DNM3: variants seen among roughly 807,000 people sequenced by gnomAD.
The protein encoded by DNM3 is dynamin-3.
DNM3 carries 47 observed loss-of-function variants against 101.6 expected under a neutral mutation model. That is an observed-to-expected ratio of 0.46 (90% CI 0.37 to 0.59). The LOEUF is 0.59. Ranked by LOEUF, DNM3 falls within the 20% of genes least tolerant of loss-of-function variation. The probability of loss-of-function intolerance (pLI) is 0.00; values close to 1 mark genes in which losing one functional copy is unlikely to be tolerated. For missense variants in DNM3, 849 were observed against 1,085.7 expected, an observed-to-expected ratio of 0.78 and a Z score of 3.06; for synonymous variants, 385 against 387.9, an observed-to-expected ratio of 0.99 and a Z score of 0.09.
At position 172,411,289 on chromosome 1, in the gene DNM3, T is replaced by C. The variant is rs772606531; in HGVS notation, c.*3448T>C. Reference sequence around the variant, plus strand: ...TTTCTAACTCCAGATTGTAGTCATTTTGAGAGGTACAAAGCTCATAATTAC... The same window carrying C: ...TTTCTAACTCCAGATTGTAGTCATTCTGAGAGGTACAAAGCTCATAATTAC... On this transcript the variant is annotated 3_prime_UTR_variant, in exon 21 of 21. Coordinates refer to ENST00000627582, the MANE Select transcript of DNM3 (RefSeq NM_015569.5). 11 of 985,128 alleles carry C rather than the reference T, an allele frequency of 1.1e-5. No individual in the cohort carries two copies. The highest frequency in any genetic ancestry group is 1.2e-5 in the Non-Finnish European group (10 of 829,794). 61.0% of individuals were successfully genotyped at this position (985,128 alleles called of 1,614,324 possible).
At chr1:172,320,747 C>CT (rs1484911908) in intron 16 of DNM3, among the ~76,000 whole-genome samples, 2 of 152,106 alleles carry the variant, frequency 1.3e-5, no homozygotes, top group Non-Finnish European at 1.5e-5. Flanking sequence ...CTGATGCACT[C>CT]TGGGGGGATA....
intron 1 of DNM3, among the ~76,000 whole-genome samples, chr1:171,851,318 G>C (rs897365882): frequency 1.3e-5 from 2 of 152,188 alleles, no homozygotes; most frequent in East Asian, 3.8e-4. Flanking sequence ...GAATGAATCA[G>C]CTACTTGACT....
intron 4 of DNM3, among the ~76,000 whole-genome samples, chr1:171,992,689 G>A (rs1355773816): frequency 6.6e-6 from 1 of 152,002 alleles, no homozygotes; most frequent in Non-Finnish European, 1.5e-5. Context: ...GTCCCAAGAG[G>A]AGACTTTTGA....
chr1:171,997,127 G>A (rs141639488), intron 4 of DNM3, among the ~76,000 whole-genome samples: 120 of 151,996 alleles, frequency 7.9e-4, no homozygotes, highest in Middle Eastern at 3.4e-3. Context: ...ACCAGGCTTT[G>A]TTATTTTATT....
intron 13 of DNM3, among the ~76,000 whole-genome samples, chr1:172,110,702 A>G (rs1289492285): frequency 2.0e-5 from 3 of 152,232 alleles, no homozygotes; most frequent in African/African-American, 7.2e-5. Context: ...AGGTGTGACT[A>G]TTTCAGTTTT....
chr1:172,269,147 G>A (rs1166173244), intron 15 of DNM3, among the ~76,000 whole-genome samples: 1 of 152,192 alleles, frequency 6.6e-6, no homozygotes, highest in African/African-American at 2.4e-5. Flanking sequence ...AAGTGTTTGA[G>A]GCATTCATGT....
chr1:172,086,612 A>G (rs1174466485), intron 12 of DNM3, among the ~76,000 whole-genome samples: 5 of 152,142 alleles, frequency 3.3e-5, no homozygotes, highest in Admixed American at 2.0e-4. Context: ...GCTACCAGCT[A>G]CTGCATTGGA....
rs927107411 is a variant in DNM3 at position 172,299,740 on chromosome 1, T to C, written c.1770-8988T>C. On this transcript the variant is annotated intron_variant, in intron 15 of 20. Coordinates refer to ENST00000627582, the MANE Select transcript of DNM3 (RefSeq NM_015569.5). ...TGTTCTTTTTATGGGCTGCATAGTATTCCATAGTGTATATGTGCCACATTT... is the reference window on the plus strand; with the variant it reads ...TGTTCTTTTTATGGGCTGCATAGTACTCCATAGTGTATATGTGCCACATTT... 3.9e-5 allele frequency among the ~76,000 whole-genome samples: 6 copies of C among 152,340 alleles called. 1 individual carries two copies. Among genetic ancestry groups the C allele is most frequent in the Non-Finnish European group, 7.3e-5 (5 of 68,028 alleles).
At chr1:172,203,072 A>C (rs1034916476) in intron 14 of DNM3, among the ~76,000 whole-genome samples, 1 of 152,210 alleles carries the variant, frequency 6.6e-6, no homozygotes, top group African/African-American at 2.4e-5. Flanking sequence ...ATCATTAAAA[A>C]TTACAAAACA....
intron 2 of DNM3, among the ~76,000 whole-genome samples, chr1:171,945,971 T>C (rs1345139708): frequency 1.3e-5 from 2 of 152,116 alleles, no homozygotes; most frequent in African/African-American, 2.4e-5. Context: ...CATGGCTGGA[T>C]CATAGTGAGA....
downstream of DNM3, among the ~76,000 whole-genome samples, chr1:172,417,184 A>G (rs1354304869): frequency 6.6e-6 from 1 of 152,210 alleles, no homozygotes; most frequent in Non-Finnish European, 1.5e-5. Flanking sequence ...CTGGATAAGA[A>G]GTCAAAGAGA....
chr1:172,292,748 A>G (rs868185672), intron 15 of DNM3, among the ~76,000 whole-genome samples: 30 of 152,338 alleles, frequency 2.0e-4, no homozygotes, highest in African/African-American at 6.7e-4. Flanking sequence ...TTATCAAGTC[A>G]TGGTTTCATA....
chr1:171,859,508 A>G (rs1029662264), intron 1 of DNM3, among the ~76,000 whole-genome samples: 1 of 152,130 alleles, frequency 6.6e-6, no homozygotes, highest in African/African-American at 2.4e-5. Context: ...TTAATCTACA[A>G]ATATAATGGA....
intron 1 of DNM3, among the ~76,000 whole-genome samples, chr1:171,843,872 C>T (rs2031657801): frequency 1.3e-5 from 2 of 152,076 alleles, no homozygotes; most frequent in South Asian, 2.1e-4. Flanking sequence ...AATCAGAGCA[C>T]GTACCAGAAT....
At chr1:172,061,695 T>G in intron 10 of DNM3, among the ~76,000 whole-genome samples, 2 of 93,386 alleles carry the variant, frequency 2.1e-5, no homozygotes, top group East Asian at 3.6e-4. Context: ...CTGGGGACTG[T>G]GGTGGGGTGG....
At chr1:172,054,744 A>T (rs1320040097) in intron 10 of DNM3, among the ~76,000 whole-genome samples, 1 of 152,144 alleles carries the variant, frequency 6.6e-6, no homozygotes, top group Non-Finnish European at 1.5e-5. Flanking sequence ...GGATCACCTG[A>T]GATCAGGAGT....
rs747381157 is a variant in DNM3, at chr1:172,407,764, C to A, written c.2523-8C>A. 6.2e-7 allele frequency: 1 copy of A among 1,612,730 alleles called. No homozygotes were observed. The highest frequency in any genetic ancestry group is 1.7e-5 in the Admixed American group (1 of 59,948). ...TGTTTCTTTACCTTTCTCTTTTTCTCTTTCTAGCCGGAGACCACCCCCATC... is the reference window on the plus strand; with the variant it reads ...TGTTTCTTTACCTTTCTCTTTTTCTATTTCTAGCCGGAGACCACCCCCATC... On this transcript the variant is annotated splice_polypyrimidine_tract_variant and splice_region_variant and intron_variant, in intron 20 of 20. Transcript: ENST00000627582.
At position 172,355,755 on chromosome 1, in the gene DNM3, G is replaced by A. The variant is rs1423410731; in HGVS notation, c.1894-23263G>A. Among the ~76,000 whole-genome samples the A allele has an allele frequency of 3.9e-5, 6 of 152,244 alleles. No homozygotes were observed. The East Asian group carries it at 5.8e-4, about 15-fold the overall frequency. ...GTAACACAGAAAGATGGAAAGATAG[G>A]AATGTATATAGGACACGAAGGACAG... On this transcript the variant is annotated intron_variant, in intron 17 of 20. Coordinates refer to ENST00000627582, the MANE Select transcript of DNM3 (RefSeq NM_015569.5).
intron 14 of DNM3, among the ~76,000 whole-genome samples, chr1:172,169,182 G>A (rs1272503384): frequency 6.6e-6 from 1 of 151,602 alleles, no homozygotes; most frequent in Admixed American, 6.6e-5. Flanking sequence ...CATATTGAGG[G>A]GATATTCCTC....
Sources: gnomAD v4.1 joint callset for allele counts (sites outside exome capture counted in the v4.1 genomes callset) on GRCh38, gnomAD v4.1.1 for gene constraint, MANE v1.5 for transcripts, NCBI Gene and HGNC (gene_info 2026-07-23, HGNC 2026-07-21) for gene names.